The following SDHAF3 variants were observed in gnomAD, a reference collection of about 807,000 sequenced individuals.
SDHAF3 encodes succinate dehydrogenase assembly factor 3, mitochondrial.
A neutral mutation model predicts 11.5 loss-of-function variants in SDHAF3; 18 were observed. The ratio of observed to expected loss-of-function variants is 1.56; its 90% CI spans 1.08 to 2.32. The LOEUF is 2.32. Among genes scored for constraint, SDHAF3 ranks in the 30% most tolerant of loss-of-function variants. SDHAF3 has a pLI of 0.00. For synonymous variants in SDHAF3, 72 were observed against 59.3 expected (o/e 1.21, Z -0.99); for missense variants, 200 against 154.4 (o/e 1.30, Z -1.57).
At chr7:97,180,251 T>C (rs1302936207) in intron 1 of SDHAF3, among the ~76,000 whole-genome samples, 1 of 152,222 alleles carries the variant, frequency 6.6e-6, no homozygotes, top group Non-Finnish European at 1.5e-5. Context: ...GGAATGAATT[T>C]AGACTCACTT....
intron 1 of SDHAF3, among the ~76,000 whole-genome samples, chr7:97,133,920 A>G (rs1318369897): frequency 1.3e-5 from 2 of 148,346 alleles, no homozygotes; most frequent in Non-Finnish European, 2.9e-5. Context: ...TTATAAACAC[A>G]CAAACAAAAA....
Position 97,181,118 on chromosome 7 carries a change from G to A in SDHAF3, c.281G>A (p.Arg94His), listed in dbSNP as rs146436120. The A allele has an allele frequency of 1.2e-5, 20 of 1,613,950 alleles. No homozygotes were observed. The highest frequency in any genetic ancestry group is 6.7e-5 in the East Asian group (3 of 44,858). Residue 94 changes from arginine (R) to histidine (H), a missense_variant, in exon 2 of 2, where the codon CGT (arginine) becomes CAT (histidine). Transcript: ENST00000432641. ...FLPEEKLNDF[R>H]DEQIGQLQEL... ...CCAGAAGAAAAACTTAATGACTTTC[G>A]TGATGAACAAATTGGACAGTTGCAG...
At chr7:97,143,503 G>C (rs1166861430) in intron 1 of SDHAF3, among the ~76,000 whole-genome samples, 1 of 152,016 alleles carries the variant, frequency 6.6e-6, no homozygotes, top group African/African-American at 2.4e-5. Flanking sequence ...CATTCTTATA[G>C]CCTTTGCATC....
intron 1 of SDHAF3, among the ~76,000 whole-genome samples, chr7:97,146,930 A>G (rs922444663): frequency 2.0e-5 from 3 of 151,972 alleles, no homozygotes; most frequent in Non-Finnish European, 4.4e-5. Context: ...TTTAGTAGAG[A>G]CGGGGTTTCA....
intron 1 of SDHAF3, among the ~76,000 whole-genome samples, chr7:97,143,842 T>C (rs1789094266): frequency 6.6e-6 from 1 of 152,186 alleles, no homozygotes; most frequent in African/African-American, 2.4e-5. Context: ...TTCCTCTGGG[T>C]AGATACCCAG....
chr7:97,174,010 C>CA lies in SDHAF3; in HGVS notation c.175-7002_175-7001insA, dbSNP rs1220241700. Among the ~76,000 whole-genome samples, 79 of 152,062 alleles carry CA rather than the reference C, an allele frequency of 5.2e-4. No homozygotes were observed. The East Asian group carries it at 0.01, about 20-fold the overall frequency. On this transcript the variant is annotated intron_variant, in intron 1 of 1. Transcript: ENST00000432641. ...TCTCGGCTCACTGCAACCTCCGACT[C>CA]CTGGTTTTAAGCAATTCTCCTGCCT...
At chr7:97,149,558 A>G (rs1789185871) in intron 1 of SDHAF3, among the ~76,000 whole-genome samples, 1 of 152,228 alleles carries the variant, frequency 6.6e-6, no homozygotes, top group Non-Finnish European at 1.5e-5. Context: ...TTGGTTTCCC[A>G]ATGCATATAA....
At chr7:97,180,161 G>T (rs1189910684) in intron 1 of SDHAF3, among the ~76,000 whole-genome samples, 1 of 152,168 alleles carries the variant, frequency 6.6e-6, no homozygotes, top group Non-Finnish European at 1.5e-5. Context: ...GACACAGATG[G>T]TTGTTAAACA....
intron 1 of SDHAF3, among the ~76,000 whole-genome samples, chr7:97,173,578 ACTCTCT>A (rs10538366): frequency 2.7e-5 from 4 of 147,074 alleles, no homozygotes; most frequent in African/African-American, 5.1e-5. Context: ...TGAGAGTCTC[ACTCTCT>A]CTCTCTCACC....
At chr7:97,180,281 C>G (rs1390652238) in intron 1 of SDHAF3, among the ~76,000 whole-genome samples, 1 of 152,108 alleles carries the variant, frequency 6.6e-6, no homozygotes, top group African/African-American at 2.4e-5. Context: ...TTACATGTCA[C>G]CGTGGAATAC....
intron 1 of SDHAF3, among the ~76,000 whole-genome samples, chr7:97,173,659 T>C (rs1789638744): frequency 6.6e-6 from 1 of 151,250 alleles, no homozygotes; most frequent in Non-Finnish European, 1.5e-5. Flanking sequence ...TTGATGCCAG[T>C]CTCCTGCCTC....
chr7:97,166,346 G>A (rs982902527), intron 1 of SDHAF3, among the ~76,000 whole-genome samples: 8 of 152,192 alleles, frequency 5.3e-5, no homozygotes, highest in African/African-American at 1.9e-4. Context: ...AGTCTGGAAA[G>A]CGGGAAGAAC....
At chr7:97,159,808 C>G (rs527267753) in intron 1 of SDHAF3, among the ~76,000 whole-genome samples, 1 of 152,266 alleles carries the variant, frequency 6.6e-6, no homozygotes, top group Admixed American at 6.5e-5. Context: ...TACCTGATTG[C>G]TGTAAGCTTT....
intron 1 of SDHAF3, among the ~76,000 whole-genome samples, chr7:97,141,927 G>A (rs1173212517): frequency 6.6e-6 from 1 of 151,062 alleles, no homozygotes; most frequent in African/African-American, 2.4e-5. Flanking sequence ...TAGATGTTCA[G>A]TAAGTCTTTT....
In SDHAF3 at chr7:97,144,168, T is replaced by C. The variant is rs532326818; in HGVS notation, c.174+26271T>C. ...AATTGTCTACTTACATTCTTTACTC[T>C]TTTTGATGGGATTGTTTGTTTTTTT... On this transcript the variant is annotated intron_variant, in intron 1 of 1. Coordinates refer to ENST00000432641, the MANE Select transcript of SDHAF3 (RefSeq NM_020186.3). 2.6e-5 allele frequency among the ~76,000 whole-genome samples: 4 copies of C among 151,418 alleles called. No homozygotes were observed. The South Asian group carries it at 6.3e-4, about 24-fold the overall frequency.
At chr7:97,121,854 G>GTTTTTTTTTTTTTTT (rs56186976) in intron 1 of SDHAF3, among the ~76,000 whole-genome samples, 7 of 129,920 alleles carry the variant, frequency 5.4e-5, no homozygotes, top group African/African-American at 1.2e-4. Flanking sequence ...TTTTTTTTTT[G>GTTTTTTTTTTTTTTT]TTTTTTTTTT....
chr7:97,152,133 C>G (rs1264543529), intron 1 of SDHAF3, among the ~76,000 whole-genome samples: 1 of 152,200 alleles, frequency 6.6e-6, no homozygotes, highest in Non-Finnish European at 1.5e-5. Context: ...CCTGCCGGTT[C>G]ATCCCCCTCA....
intron 1 of SDHAF3, among the ~76,000 whole-genome samples, chr7:97,164,874 C>T (rs1478719879): frequency 6.6e-6 from 1 of 151,952 alleles, no homozygotes; most frequent in Non-Finnish European, 1.5e-5. Flanking sequence ...ATTATATAAA[C>T]AAAATTACAT....
intron 1 of SDHAF3, among the ~76,000 whole-genome samples, chr7:97,175,942 C>A (rs1789672917): frequency 6.6e-6 from 1 of 152,160 alleles, no homozygotes; most frequent in Admixed American, 6.5e-5. Flanking sequence ...GGGAAGAAAT[C>A]CACATCTTTC....
Sources: allele counts gnomAD v4.1 joint callset (sites outside exome capture counted in the v4.1 genomes callset), GRCh38; gene constraint gnomAD v4.1.1; transcripts MANE v1.5; gene names NCBI Gene and HGNC (gene_info 2026-07-23, HGNC 2026-07-21).